Variants in PRPF18 observed in about 807,000 individuals in gnomAD.
PRPF18 encodes the protein pre-mRNA processing factor 18.
Under a neutral mutation model 46.5 loss-of-function variants are expected in PRPF18, and 38 were observed. The ratio of observed to expected loss-of-function variants is 0.82; its 90% CI spans 0.63 to 1.07. PRPF18 has a LOEUF of 1.07. PRPF18 is among the 50% of genes least tolerant of loss of function. PRPF18 has a pLI of 0.00. For synonymous variants in PRPF18, 152 were observed against 146.7 expected (o/e 1.04, Z -0.26); for missense variants, 263 against 410.0 (o/e 0.64, Z 3.10).
chr10:13,612,211 G>T (rs1167024367), intron 6 of PRPF18, among the ~76,000 whole-genome samples: 7 of 152,014 alleles, frequency 4.6e-5, no homozygotes, highest in African/African-American at 1.4e-4. Context: ...TTTAAAGCTG[G>T]CTCATTAATG....
chr10:13,593,360 G>A lies in PRPF18; in HGVS notation c.67-4098G>A, dbSNP rs941011002. 2.0e-5 allele frequency among the ~76,000 whole-genome samples: 3 copies of A among 152,162 alleles called. No homozygotes were observed. The East Asian group carries it at 5.8e-4, about 29-fold the overall frequency. ...GAAGGAAGGAATGAGCAGTTAAATC[G>A]AAGACTGGATGAGATCAGTCAGAGA... On this transcript the variant is annotated intron_variant, in intron 1 of 9. Transcript: ENST00000378572.
chr10:13,592,101 G>T, intron 1 of PRPF18: 1 of 583,744 alleles, frequency 1.7e-6, no homozygotes, highest in Non-Finnish European at 3.1e-6. Context: ...GTACTTAGCG[G>T]CTGAGTACTT....
At chr10:13,590,121 TAA>T (rs5783335) in intron 1 of PRPF18, among the ~76,000 whole-genome samples, 2 of 149,804 alleles carry the variant, frequency 1.3e-5, no homozygotes, top group African/African-American at 4.9e-5. Flanking sequence ...AAATGATCAT[TAA>T]AAAAAAAACT....
At chr10:13,612,622 CTTTTTT>C (rs61113168) in intron 6 of PRPF18, among the ~76,000 whole-genome samples, 2 of 76,128 alleles carry the variant, frequency 2.6e-5, no homozygotes, top group Admixed American at 1.7e-4. Flanking sequence ...AGGGTTCTAG[CTTTTTT>C]TTTTTTTTTT....
At chr10:13,611,972 C>T (rs1037160478) in intron 6 of PRPF18, among the ~76,000 whole-genome samples, 24 of 151,718 alleles carry the variant, frequency 1.6e-4, no homozygotes, top group African/African-American at 4.8e-4. Context: ...CTCCACCTCC[C>T]GGGTTCAAGT....
At chr10:13,605,200 A>G (rs1471963434) in intron 3 of PRPF18, among the ~76,000 whole-genome samples, 1 of 152,248 alleles carries the variant, frequency 6.6e-6, no homozygotes, top group Non-Finnish European at 1.5e-5. Flanking sequence ...AGAGGCATGT[A>G]TTTGGATAAT....
chr10:13,639,805 G>A, the PRPF18 span: 83,509 of 152,008 alleles, frequency 0.55, 23,389 homozygotes, highest in East Asian at 0.79. Flanking sequence ...TTCCTTTGCT[G>A]GAGAGCTTTT....
At chr10:13,651,802 G>A in the PRPF18 span, 3 of 735,496 alleles carry the variant, frequency 4.1e-6, no homozygotes, top group Non-Finnish European at 7.6e-6. Flanking sequence ...CATAAATACA[G>A]CATTCAGATG....
chr10:13,590,323 C>T (rs966181608), intron 1 of PRPF18, among the ~76,000 whole-genome samples: 16 of 151,430 alleles, frequency 1.1e-4, no homozygotes, highest in African/African-American at 2.2e-4. Context: ...TACTGACATT[C>T]GGCCGGGCGC....
At chr10:13,592,817 T>A (rs1452346220) in intron 1 of PRPF18, among the ~76,000 whole-genome samples, 5 of 152,226 alleles carry the variant, frequency 3.3e-5, no homozygotes, top group Admixed American at 6.5e-5. Context: ...TTAGCTTTTT[T>A]TCCTTCCAGT....
chr10:13,624,447 G>T (rs1349804451), intron 9 of PRPF18, among the ~76,000 whole-genome samples: 2 of 152,222 alleles, frequency 1.3e-5, no homozygotes, highest in African/African-American at 4.8e-5. Context: ...CTTCTCAAAG[G>T]CCAGGCCATG....
chr10:13,624,315 T>G (rs2133979884), intron 9 of PRPF18, among the ~76,000 whole-genome samples: 1 of 152,336 alleles, frequency 6.6e-6, no homozygotes, highest in East Asian at 1.9e-4. Flanking sequence ...CATTTTCCTC[T>G]AAACACATTG....
At chr10:13,623,967 G>A (rs1289337192) in intron 9 of PRPF18, among the ~76,000 whole-genome samples, 5 of 152,056 alleles carry the variant, frequency 3.3e-5, no homozygotes, top group Non-Finnish European at 5.9e-5. Context: ...ATTTTTATGT[G>A]TACAGTTCAC....
At chr10:13,617,762 A>G (rs2080367326) in intron 9 of PRPF18, among the ~76,000 whole-genome samples, 1 of 152,012 alleles carries the variant, frequency 6.6e-6, no homozygotes. Context: ...TTTATTCAAG[A>G]ATTCTGGTTT....
chr10:13,595,488 A>G (rs1031070980), intron 1 of PRPF18, among the ~76,000 whole-genome samples: 1 of 152,222 alleles, frequency 6.6e-6, no homozygotes, highest in Admixed American at 6.5e-5. Flanking sequence ...GTCAAAAACA[A>G]TTTTAGATGC....
At chr10:13,609,942 GA>G (rs1331624582) in intron 4 of PRPF18, 96 bp from the exon 5 acceptor site, 44 of 1,318,608 alleles carry the variant, frequency 3.3e-5, no homozygotes, top group South Asian at 5.7e-5. Flanking sequence ...TCTTGTGGGG[GA>G]AAAAATATTT....
the PRPF18 span, among the ~76,000 whole-genome samples, chr10:13,652,646 G>A: frequency 1.3e-5 from 2 of 152,206 alleles, no homozygotes; most frequent in Admixed American, 6.5e-5. Context: ...CTGTCCAACA[G>A]ACAGCCCAAG....
intron 3 of PRPF18, 45 bp from the exon 4 acceptor site, chr10:13,605,579 CAAAAAAA>C (rs34754785): frequency 5.4e-6 from 6 of 1,111,598 alleles, no homozygotes; most frequent in Non-Finnish European, 6.8e-6. Context: ...GAGACTGTCT[CAAAAAAA>C]AAAAAAAAAA....
chr10:13,600,691 G>A (rs1263072236), intron 3 of PRPF18, among the ~76,000 whole-genome samples: 6 of 149,704 alleles, frequency 4.0e-5, no homozygotes, highest in South Asian at 2.1e-4. Context: ...TTAATAATAC[G>A]TCTTTCCAGA....
Sources: gnomAD v4.1 joint callset for allele counts (sites outside exome capture counted in the v4.1 genomes callset) on GRCh38, gnomAD v4.1.1 for gene constraint, MANE v1.5 for transcripts, NCBI Gene and HGNC (gene_info 2026-07-23, HGNC 2026-07-21) for gene names.